CSMD3: variants seen among roughly 807,000 people sequenced by gnomAD.
The protein encoded by CSMD3 is CUB and Sushi multiple domains 3.
CSMD3 carries 177 observed loss-of-function variants against 435.2 expected under a neutral mutation model. That is an observed-to-expected ratio of 0.41 (90% CI 0.36 to 0.46). The LOEUF (loss-of-function observed/expected upper bound fraction) is 0.46, where lower values mean the gene tolerates loss of function less well. CSMD3 is among the 20% of genes least tolerant of loss of function. The pLI, the probability that CSMD3 is intolerant of heterozygous loss-of-function variation, is 0.34. For missense variants in CSMD3, 4,265 were observed against 4,504.6 expected (o/e 0.95, Z 1.52); for synonymous variants, 1,656 against 1,520.5 (o/e 1.09, Z -2.07).
At chr8:113,317,484 G>C (rs75983378) in intron 1 of CSMD3, among the ~76,000 whole-genome samples, 1 of 152,068 alleles carries the variant, frequency 6.6e-6, no homozygotes, top group Non-Finnish European at 1.5e-5. Context: ...CATGGATTTC[G>C]AGTACTTTTA....
chr8:112,279,050 AACAAC>A (rs1427249588), intron 59 of CSMD3, among the ~76,000 whole-genome samples: 8 of 146,558 alleles, frequency 5.5e-5, no homozygotes, highest in Non-Finnish European at 1.2e-4. Flanking sequence ...CAACAACAAC[AACAAC>A]AAAACACTAG....
intron 9 of CSMD3, among the ~76,000 whole-genome samples, chr8:112,939,226 T>G (rs2083375900): frequency 6.6e-6 from 1 of 152,074 alleles, no homozygotes; most frequent in Non-Finnish European, 1.5e-5. Context: ...GAGAGGGAAC[T>G]GAAGATTACT....
chr8:113,244,339 G>A (rs925274142), intron 3 of CSMD3, among the ~76,000 whole-genome samples: 3 of 152,020 alleles, frequency 2.0e-5, no homozygotes, highest in African/African-American at 7.2e-5. Flanking sequence ...TGTTTGAGAC[G>A]GAGTCTCATG....
intron 2 of CSMD3, among the ~76,000 whole-genome samples, chr8:113,300,733 G>T (rs2132583991): frequency 6.6e-6 from 1 of 152,046 alleles, no homozygotes; most frequent in African/African-American, 2.4e-5. Context: ...CTACCTATAA[G>T]TACTATACTC....
chr8:112,838,696 C>A lies in CSMD3; in HGVS notation c.1756-8907G>T, dbSNP rs944584518. On this transcript the variant is annotated intron_variant, in intron 11 of 70. Transcript: ENST00000297405. ...TGCAGAGAGAGCAAAATATGGAGTA[C>A]CTTTATTAAAAAATCATATAATTCA... Among the ~76,000 whole-genome samples, 8 of 151,700 alleles carry A rather than the reference C, an allele frequency of 5.3e-5. No homozygotes were observed. In the South Asian group the frequency reaches 1.2e-3, roughly 24 times the overall value.
chr8:112,992,316 G>A (rs1330310462), intron 6 of CSMD3, among the ~76,000 whole-genome samples: 2 of 151,102 alleles, frequency 1.3e-5, no homozygotes, highest in African/African-American at 4.9e-5. Context: ...GAATTCCTCT[G>A]GGTGCCAAAA....
intron 13 of CSMD3, 53 bp downstream of exon 13, chr8:112,800,109 A>C: frequency 8.3e-7 from 1 of 1,206,374 alleles, no homozygotes; most frequent in Non-Finnish European, 1.2e-6. Context: ...GAATTTAAAA[A>C]TATTCTCTGG....
chr8:112,799,258 T>C (rs1563972263), intron 13 of CSMD3, among the ~76,000 whole-genome samples: 2 of 151,952 alleles, frequency 1.3e-5, no homozygotes, highest in South Asian at 2.1e-4. Context: ...GACAACATCA[T>C]GCATTCATTT....
At chr8:113,150,948 T>C (rs181641977) in intron 4 of CSMD3, among the ~76,000 whole-genome samples, 11 of 151,956 alleles carry the variant, frequency 7.2e-5, no homozygotes, top group Admixed American at 2.0e-4. Context: ...AAATCAAACA[T>C]TAAAAATGTG....
intron 3 of CSMD3, among the ~76,000 whole-genome samples, chr8:113,277,008 A>C (rs1171675451): frequency 6.6e-6 from 1 of 152,024 alleles, no homozygotes. Context: ...CAAACCAAAA[A>C]ACATGCCAAC....
intron 10 of CSMD3, among the ~76,000 whole-genome samples, chr8:112,907,026 T>C (rs934931302): frequency 6.6e-6 from 1 of 151,578 alleles, no homozygotes; most frequent in Non-Finnish European, 1.5e-5. Flanking sequence ...CAAATAGTTA[T>C]TTTTTAAATT....
chr8:112,263,471 GAGA>G (rs996384471), intron 61 of CSMD3, among the ~76,000 whole-genome samples, 165 bp downstream of exon 61: 5 of 152,146 alleles, frequency 3.3e-5, no homozygotes, highest in Admixed American at 1.3e-4. Context: ...TTTTGAATCA[GAGA>G]AGGAGAAACA....
intron 11 of CSMD3, among the ~76,000 whole-genome samples, chr8:112,855,556 T>C (rs139790962): frequency 6.6e-6 from 1 of 151,926 alleles, no homozygotes; most frequent in East Asian, 1.9e-4. Context: ...GAGTTCTATA[T>C]AAGGATAAAT....
At chr8:112,843,641 C>A (rs1002709503) in intron 11 of CSMD3, among the ~76,000 whole-genome samples, 32 of 151,856 alleles carry the variant, frequency 2.1e-4, no homozygotes, top group African/African-American at 7.7e-4. Context: ...CTAGACACAT[C>A]TTTGCTGGAT....
chr8:113,019,631 G>A (rs1012601164), intron 5 of CSMD3, among the ~76,000 whole-genome samples: 17 of 150,438 alleles, frequency 1.1e-4, no homozygotes, highest in African/African-American at 3.7e-4. Context: ...GCTAGTCAAC[G>A]TGCTTCTCAT....
intron 1 of CSMD3, among the ~76,000 whole-genome samples, chr8:113,370,914 A>G (rs1489850604): frequency 6.6e-6 from 1 of 152,126 alleles, no homozygotes; most frequent in African/African-American, 2.4e-5. Flanking sequence ...ATAACAAATT[A>G]TCTTTATTCT....
intron 12 of CSMD3, among the ~76,000 whole-genome samples, chr8:112,828,359 T>C (rs937140251): frequency 6.6e-6 from 1 of 152,068 alleles, no homozygotes; most frequent in African/African-American, 2.4e-5. Flanking sequence ...TAGTGGGAGG[T>C]GAATGCATCA....
Position 112,860,171 on chromosome 8 carries a change from G to A in CSMD3, c.1634-905C>T, listed in dbSNP as rs1448394828. Among the ~76,000 whole-genome samples, 3 of 151,644 alleles carry A rather than the reference G, an allele frequency of 2.0e-5. No homozygotes were observed. In the East Asian group the frequency reaches 5.8e-4, roughly 29 times the overall value. ...TACAGTAGTCAGAATTTCAGCCCAG[G>A]TCTTCTGATTCAAGTCTTGTTTTTT... On this transcript the variant is annotated intron_variant, in intron 10 of 70. Coordinates refer to ENST00000297405, the MANE Select transcript of CSMD3 (RefSeq NM_198123.2).
At chr8:112,333,669 T>TACACACACAC (rs147365873) in intron 45 of CSMD3, among the ~76,000 whole-genome samples, 24,863 of 147,794 alleles carry the variant, frequency 0.17, 2,345 homozygotes, top group Middle Eastern at 0.3. Flanking sequence ...TTCTGTCTCA[T>TACACACACAC]ACACACACAC....
Sources: gnomAD v4.1 joint callset for allele counts (sites outside exome capture counted in the v4.1 genomes callset) on GRCh38, gnomAD v4.1.1 for gene constraint, MANE v1.5 for transcripts, NCBI Gene and HGNC (gene_info 2026-07-23, HGNC 2026-07-21) for gene names.